Variants in KLC1 observed in about 807,000 individuals in gnomAD.
KLC1 encodes kinesin light chain 1, also known as kinesin 2 60/70kDa.
Under a neutral mutation model 84.2 loss-of-function variants are expected in KLC1, and 30 were observed. That is an observed-to-expected ratio of 0.36 (90% CI 0.27 to 0.48). The LOEUF (loss-of-function observed/expected upper bound fraction) is 0.48, where lower values mean the gene tolerates loss of function less well. Among genes scored for constraint, KLC1 ranks in the 20% least tolerant of loss-of-function variants. KLC1 has a pLI of 0.99. For synonymous variants in KLC1, 289 were observed against 293.3 expected, an observed-to-expected ratio of 0.99 and a Z score of 0.15; for missense variants, 499 against 805.4, an observed-to-expected ratio of 0.62 and a Z score of 4.60.
At chr14:103,688,339 C>T (rs1439031101) in intron 14 of KLC1, among the ~76,000 whole-genome samples, 3 of 152,046 alleles carry the variant, frequency 2.0e-5, no homozygotes, top group African/African-American at 4.8e-5. Context: ...TTAGTAGAAA[C>T]GGGGTTTCAC....
chr14:103,678,709 G>A (rs949923731), intron 12 of KLC1, among the ~76,000 whole-genome samples: 32 of 151,256 alleles, frequency 2.1e-4, no homozygotes, highest in African/African-American at 7.3e-4. Flanking sequence ...AAAAAAAAAA[G>A]AAAAAGTGAA....
rs566560811 is a variant in KLC1, at chr14:103,694,133, T to C, written c.1848+1708T>C. The stretch of plus-strand genomic sequence containing the variant: ...TGAATTCCTTCCCAGCTGGAGCATC[T>C]TCCGGGTCTCTCTTTCCAAGGTCCC... On this transcript the variant is annotated intron_variant, in intron 15 of 16. Coordinates refer to ENST00000334553, the MANE Select transcript of KLC1 (RefSeq NM_001394837.1). The surrounding 1 kb of genome is among the most constrained non-coding windows in gnomAD (Gnocchi z 4.5). 12 of 985,370 alleles carry C rather than the reference T, an allele frequency of 1.2e-5. No individual in the cohort carries two copies. The highest frequency in any genetic ancestry group is 1.3e-5 in the Non-Finnish European group (11 of 829,682). 61.0% of individuals were successfully genotyped at this position (985,370 alleles called of 1,614,324 possible).
chr14:103,650,878 C>T (rs576701170), intron 1 of KLC1, among the ~76,000 whole-genome samples: 6 of 151,222 alleles, frequency 4.0e-5, no homozygotes, highest in African/African-American at 7.3e-5. Flanking sequence ...CAAGCCCAGC[C>T]GCCTGTATAC....
In KLC1 at chr14:103,661,220, T is replaced by C. The variant is rs536608600; in HGVS notation, c.493-896T>C. Among the ~76,000 whole-genome samples, 3 of 152,230 alleles carry C rather than the reference T, an allele frequency of 2.0e-5. No individual in the cohort carries two copies. The East Asian group carries it at 5.8e-4, about 29-fold the overall frequency. ...GTCCTCTCCTCTGCAGCTCATACTC[T>C]CCTTTTGTTAACTGCCAACAGCATC... On this transcript the variant is annotated intron_variant, in intron 3 of 16. Transcript: ENST00000334553.
Position 103,672,995 on chromosome 14 carries a change from T to A in KLC1, c.988-19T>A. 1 of 1,612,034 alleles carries A rather than the reference T, an allele frequency of 6.2e-7. No homozygotes were observed. Among genetic ancestry groups the A allele is most frequent in the Non-Finnish European group, 8.5e-7 (1 of 1,178,246 alleles). ...GGAAGCAGAACAAGTGTCTCTAATA[T>A]GCTGTTTTTTATTTTCAGGTTTTGG... On this transcript the variant is annotated intron_variant, in intron 7 of 16. Coordinates refer to ENST00000334553, the MANE Select transcript of KLC1 (RefSeq NM_001394837.1).
chr14:103,636,841 G>A (rs1435519932), intron 1 of KLC1, among the ~76,000 whole-genome samples: 1 of 151,882 alleles, frequency 6.6e-6, no homozygotes, highest in Non-Finnish European at 1.5e-5. Context: ...CCCTGCCTCA[G>A]CCTCTGGAGT....
intron 5 of KLC1, among the ~76,000 whole-genome samples, chr14:103,663,208 T>G (rs1227140884): frequency 6.6e-6 from 1 of 151,278 alleles, no homozygotes; most frequent in African/African-American, 2.4e-5. Flanking sequence ...GCCTCCCGAG[T>G]AGCTGGGACT....
rs536826342 is a variant in KLC1, at chr14:103,658,428, G to GTTT, written c.492+676_492+678dup. On this transcript the variant is annotated intron_variant, in intron 3 of 16. Coordinates refer to ENST00000334553, the MANE Select transcript of KLC1 (RefSeq NM_001394837.1). ...GGTGTGTGACACCATGCCCAGCTAAGTTTTTTTTTTTTTTTTTTTTTTTTT... is the reference window on the plus strand; with the variant it reads ...GGTGTGTGACACCATGCCCAGCTAAGTTTTTTTTTTTTTTTTTTTTTTTTTTTT... Among the ~76,000 whole-genome samples, 280 of 91,216 alleles carry GTTT rather than the reference G, an allele frequency of 3.1e-3. 15 individuals are homozygous for GTTT. The highest frequency in any genetic ancestry group is 0.013 in the African/African-American group (261 of 20,328). 59.8% of individuals were successfully genotyped at this position (91,216 alleles called of 152,430 possible).
At chr14:103,675,987 ATTACTT>A (rs1373805678) in intron 11 of KLC1, among the ~76,000 whole-genome samples, 2 of 152,224 alleles carry the variant, frequency 1.3e-5, no homozygotes, top group Non-Finnish European at 2.9e-5. Context: ...CGATTTTGCC[ATTACTT>A]TTACTTTTAA....
chr14:103,651,049 G>A (rs1035413018), intron 1 of KLC1, among the ~76,000 whole-genome samples: 1 of 151,870 alleles, frequency 6.6e-6, no homozygotes, highest in Non-Finnish European at 1.5e-5. Context: ...TTGCTCTGTC[G>A]CCCAGGCTGG....
intron 15 of KLC1, chr14:103,696,591 G>C: frequency 1.0e-6 from 1 of 985,488 alleles, no homozygotes; most frequent in Non-Finnish European, 1.2e-6. Context: ...TCAGATTTCT[G>C]AATGCTGTAG....
intron 1 of KLC1, among the ~76,000 whole-genome samples, chr14:103,631,619 G>A (rs973501546): frequency 6.6e-6 from 1 of 151,930 alleles, no homozygotes; most frequent in African/African-American, 2.4e-5. Context: ...TTTATTTAGA[G>A]ATGAGTCTCA....
rs1161640996 is a variant in KLC1, at chr14:103,699,002, A to C, written c.1849-1653A>C. On this transcript the variant is annotated intron_variant, in intron 15 of 16. Coordinates refer to ENST00000334553, the MANE Select transcript of KLC1 (RefSeq NM_001394837.1). ...AGGTTATGCCAAGGGCTGGGGAAACACGTTCGTCCCAGAACCTGAGAAACA... is the reference window on the plus strand; with the variant it reads ...AGGTTATGCCAAGGGCTGGGGAAACCCGTTCGTCCCAGAACCTGAGAAACA... 3 of 1,591,300 alleles carry C rather than the reference A, an allele frequency of 1.9e-6. No individual in the cohort carries two copies. In the Admixed American group the frequency reaches 5.2e-5, roughly 28 times the overall value.
Position 103,679,160 on chromosome 14 carries a change from C to G in KLC1, c.1489-224C>G, listed in dbSNP as rs565629123. 4 of 609,678 alleles carry G rather than the reference C, an allele frequency of 6.6e-6. No individual in the cohort carries two copies. The African/African-American group carries it at 7.4e-5, about 11-fold the overall frequency. The allele number at this position is 609,678 out of a possible 1,614,324, so 37.8% of individuals were successfully genotyped here. A position where few individuals can be genotyped will look rare whatever the true frequency, so the allele number is the denominator to read the frequency against. On this transcript the variant is annotated intron_variant, in intron 12 of 16. Coordinates refer to ENST00000334553, the MANE Select transcript of KLC1 (RefSeq NM_001394837.1). ...CAGAATAGTTGAACACGGGTACACACCCTGTGCAATCCCAGCCCCATCACT... is the reference window on the plus strand; with the variant it reads ...CAGAATAGTTGAACACGGGTACACAGCCTGTGCAATCCCAGCCCCATCACT...
chr14:103,684,370 T>C (rs577116094), intron 13 of KLC1, among the ~76,000 whole-genome samples: 1 of 152,268 alleles, frequency 6.6e-6, no homozygotes, highest in South Asian at 2.1e-4. Context: ...TATAAAGAGG[T>C]AGACAGTTTC....
At chr14:103,681,992 T>A (rs1260050975) in intron 13 of KLC1, among the ~76,000 whole-genome samples, 1 of 152,206 alleles carries the variant, frequency 6.6e-6, no homozygotes, top group Non-Finnish European at 1.5e-5. Flanking sequence ...GTTACCACTG[T>A]AGCCACTTAC....
chr14:103,629,585 T>C (rs3742465), intron 1 of KLC1, 91 bp downstream of exon 1: 91,976 of 151,838 alleles, frequency 0.61, 28,945 homozygotes, highest in Non-Finnish European at 0.71. Flanking sequence ...GCCCCGGCCG[T>C]AACTCTGTCC....
intron 15 of KLC1, chr14:103,698,640 C>T (rs2082781780): frequency 2.8e-6 from 2 of 710,504 alleles, no homozygotes; most frequent in Non-Finnish European, 4.8e-6. Flanking sequence ...CAGTCTGTGG[C>T]CACCATCTTC....
chr14:103,658,297 G>A (rs2078974107), intron 3 of KLC1, among the ~76,000 whole-genome samples: 2 of 152,070 alleles, frequency 1.3e-5, no homozygotes, highest in African/African-American at 4.8e-5. Flanking sequence ...GTCTCGCTCT[G>A]TCACTCAGGC....
Sources: allele counts gnomAD v4.1 joint callset (sites outside exome capture counted in the v4.1 genomes callset), GRCh38; gene constraint gnomAD v4.1.1; non-coding constraint Gnocchi (gnomAD v3.1); transcripts MANE v1.5; gene names NCBI Gene and HGNC (gene_info 2026-07-23, HGNC 2026-07-21).